NEMP2: variants seen among roughly 807,000 people sequenced by gnomAD.
NEMP2 encodes nuclear envelope integral membrane protein 2.
A neutral mutation model predicts 54.2 loss-of-function variants in NEMP2; 53 were observed. The ratio of observed to expected loss-of-function variants is 0.98; its 90% confidence interval spans 0.78 to 1.23. NEMP2 has a LOEUF of 1.23. Ranked by LOEUF, NEMP2 falls within the 50% of genes most tolerant of loss-of-function variation. NEMP2 has a pLI of 0.00. For missense variants in NEMP2, 455 were observed against 511.3 expected (o/e 0.89, Z 1.06); for synonymous variants, 197 against 190.3 (o/e 1.04, Z -0.29).
Position 190,533,960 on chromosome 2 carries a change from T to C in NEMP2, c.97+599A>G, listed in dbSNP as rs940352924. 3 of 985,114 alleles carry C rather than the reference T, an allele frequency of 3.0e-6. No homozygotes were observed. The African/African-American group carries it at 5.2e-5, about 17-fold the overall frequency. 61.0% of individuals were successfully genotyped at this position (985,114 alleles called of 1,614,324 possible). On this transcript the variant is annotated intron_variant, in intron 1 of 8. Transcript: ENST00000409150. This position sits in a 1 kb window ranked among gnomAD's most constrained non-coding sequence, Gnocchi z 4.3. ...CCGCTACCAGTTCTTGCTTCCTGTG[T>C]GCCAGGCATTGTGCACACGAACACC...
chr2:190,511,933 T>C (rs967888269), intron 7 of NEMP2, among the ~76,000 whole-genome samples: 1 of 150,710 alleles, frequency 6.6e-6, no homozygotes, highest in African/African-American at 2.4e-5. Context: ...TTTTGAAATA[T>C]AAATGAGCAT....
At chr2:190,571,404 G>A in the NEMP2 span, among the ~76,000 whole-genome samples, 1 of 151,890 alleles carries the variant, frequency 6.6e-6, no homozygotes, top group Non-Finnish European at 1.5e-5. Context: ...TTAGCCAGGC[G>A]TGGTGGTGGG....
the NEMP2 span, among the ~76,000 whole-genome samples, chr2:190,646,262 A>G: frequency 3.9e-5 from 6 of 152,326 alleles, no homozygotes; most frequent in African/African-American, 1.4e-4. Context: ...GGATAATCAG[A>G]CACCATAATT....
At chr2:190,483,182 G>A in the NEMP2 span, among the ~76,000 whole-genome samples, 1 of 151,916 alleles carries the variant, frequency 6.6e-6, no homozygotes, top group African/African-American at 2.4e-5. Context: ...GTGAGCCACC[G>A]CGCCCGGCCG....
chr2:190,631,185 T>A, the NEMP2 span, among the ~76,000 whole-genome samples: 914 of 152,108 alleles, frequency 6.0e-3, 13 homozygotes, highest in African/African-American at 0.021. Context: ...ACTTGCAGAG[T>A]TCTAGATGGG....
the NEMP2 span, among the ~76,000 whole-genome samples, chr2:190,493,496 A>T: frequency 6.6e-6 from 1 of 152,188 alleles, no homozygotes; most frequent in East Asian, 1.9e-4. Flanking sequence ...CAACAAAGAA[A>T]CAATGGATTT....
At chr2:190,459,587 G>T in the NEMP2 span, among the ~76,000 whole-genome samples, 1 of 152,096 alleles carries the variant, frequency 6.6e-6, no homozygotes, top group East Asian at 1.9e-4. The surrounding 1 kb of genome is among the most constrained non-coding windows in gnomAD (Gnocchi z 5.3). Context: ...GTTCTCTTTT[G>T]TTTTAAACAT....
At chr2:190,517,186 G>A (rs1690592336) in intron 5 of NEMP2, among the ~76,000 whole-genome samples, 1 of 151,254 alleles carries the variant, frequency 6.6e-6, no homozygotes, top group African/African-American at 2.4e-5. Flanking sequence ...GGCCCCAATG[G>A]TTCAGCATCA....
chr2:190,629,961 C>A, the NEMP2 span: 2 of 152,240 alleles, frequency 1.3e-5, no homozygotes, highest in African/African-American at 4.8e-5. Flanking sequence ...AAAACACAAT[C>A]ACAGCAATAG....
chr2:190,619,943 G>A, the NEMP2 span, among the ~76,000 whole-genome samples: 1,075 of 152,258 alleles, frequency 7.1e-3, 17 homozygotes, highest in African/African-American at 0.024. The surrounding 1 kb of genome is among the most constrained non-coding windows in gnomAD (Gnocchi z 5.5). Flanking sequence ...TTTTTACCTC[G>A]GTGGCCAGCC....
chr2:190,533,938 C>A lies in NEMP2; in HGVS notation c.97+621G>T. On this transcript the variant is annotated intron_variant, in intron 1 of 8. Transcript: ENST00000409150. The surrounding 1 kb of genome is among the most constrained non-coding windows in gnomAD (Gnocchi z 4.3). ...GGCGAGCCCCTACAGCTAGCAGCCG[C>A]TACCAGTTCTTGCTTCCTGTGTGCC... The A allele has an allele frequency of 1.0e-6, 1 of 981,132 alleles. No homozygotes were observed. Among genetic ancestry groups the A allele is most frequent in the Non-Finnish European group, 1.2e-6 (1 of 826,008 alleles). 60.8% of individuals were successfully genotyped at this position (981,132 alleles called of 1,614,324 possible). A position where few individuals can be genotyped will look rare whatever the true frequency, so the allele number is the denominator to read the frequency against.
At chr2:190,590,190 G>A in the NEMP2 span, among the ~76,000 whole-genome samples, 3 of 152,314 alleles carry the variant, frequency 2.0e-5, no homozygotes, top group South Asian at 2.1e-4. This position sits in a 1 kb window ranked among gnomAD's most constrained non-coding sequence, Gnocchi z 5.1. Context: ...TGACCCACCT[G>A]CAATGGCAGA....
At chr2:190,564,700 A>C in the NEMP2 span, among the ~76,000 whole-genome samples, 3 of 152,152 alleles carry the variant, frequency 2.0e-5, no homozygotes, top group Admixed American at 2.0e-4. This position sits in a 1 kb window ranked among gnomAD's most constrained non-coding sequence, Gnocchi z 4.2. Context: ...ACAAGTAAGG[A>C]CCTCTTGGCT....
chr2:190,613,820 CTT>C, the NEMP2 span, among the ~76,000 whole-genome samples: 1 of 152,000 alleles, frequency 6.6e-6, no homozygotes, highest in African/African-American at 2.4e-5. Flanking sequence ...GAACTCCTGA[CTT>C]CAGGTGATCT....
chr2:190,621,179 A>T, the NEMP2 span, among the ~76,000 whole-genome samples: 1 of 152,212 alleles, frequency 6.6e-6, no homozygotes, highest in African/African-American at 2.4e-5. Flanking sequence ...GATGTAGGTG[A>T]TTTTGTTGTC....
At chr2:190,463,067 G>C in the NEMP2 span, among the ~76,000 whole-genome samples, 1 of 152,282 alleles carries the variant, frequency 6.6e-6, no homozygotes, top group East Asian at 1.9e-4. The surrounding 1 kb of genome is among the most constrained non-coding windows in gnomAD (Gnocchi z 4.4). Flanking sequence ...AAAAAGGGGA[G>C]AGAAGACAAG....
chr2:190,535,657 A>G (rs1174608824), upstream of NEMP2, among the ~76,000 whole-genome samples: 1 of 152,258 alleles, frequency 6.6e-6, no homozygotes, highest in Non-Finnish European at 1.5e-5. Flanking sequence ...AAGTCTGAGT[A>G]GGATGGACTA....
At chr2:190,449,620 G>A in the NEMP2 span, among the ~76,000 whole-genome samples, 2 of 152,002 alleles carry the variant, frequency 1.3e-5, no homozygotes, top group African/African-American at 4.8e-5. Flanking sequence ...CAACCCAAAT[G>A]TCCAACAATG....
rs982373867 is a variant in NEMP2, at chr2:190,525,642, G to A, written c.98-264C>T. Among the ~76,000 whole-genome samples the A allele has an allele frequency of 1.4e-4, 21 of 152,138 alleles. No individual in the cohort carries two copies. The highest frequency in any genetic ancestry group is 2.6e-4 in the Admixed American group (4 of 15,270). On this transcript the variant is annotated intron_variant, in intron 1 of 8. Coordinates refer to ENST00000409150, the MANE Select transcript of NEMP2 (RefSeq NM_001142645.2). This position sits in a 1 kb window ranked among gnomAD's most constrained non-coding sequence, Gnocchi z 5.0. ...GTACTTCTTCAATTCTGAAGCAGAA[G>A]GCAGAATTATGGGCACCTTCTCAGA...
Sources: gnomAD v4.1 joint callset for allele counts (sites outside exome capture counted in the v4.1 genomes callset) on GRCh38, gnomAD v4.1.1 for gene constraint, Gnocchi (gnomAD v3.1) non-coding constraint, MANE v1.5 for transcripts, NCBI Gene and HGNC (gene_info 2026-07-23, HGNC 2026-07-21) for gene names.